The following ATP8A1 variants were observed in gnomAD, a reference collection of about 807,000 sequenced individuals.
ATP8A1 encodes the protein phospholipid-transporting ATPase IA.
ATP8A1 carries 90 observed loss-of-function variants against 177.7 expected under a neutral mutation model. That is an observed-to-expected ratio of 0.51 (90% CI 0.43 to 0.60). The LOEUF (loss-of-function observed/expected upper bound fraction) is 0.60. Among genes scored for constraint, ATP8A1 ranks in the 20% least tolerant of loss-of-function variants. ATP8A1 has a pLI of 0.00. For synonymous variants in ATP8A1, 493 were observed against 485.9 expected, an observed-to-expected ratio of 1.01 and a Z score of -0.19; for missense variants, 1,072 against 1,392.8, an observed-to-expected ratio of 0.77 and a Z score of 3.67.
At chr4:42,609,280 TG>T (rs1316130677) in intron 5 of ATP8A1, among the ~76,000 whole-genome samples, 1 of 152,160 alleles carries the variant, frequency 6.6e-6, no homozygotes, top group Admixed American at 6.5e-5. Flanking sequence ...CCCAGCAATC[TG>T]TGTTTTAACA....
chr4:42,535,771 G>T (rs1017693803), intron 20 of ATP8A1, among the ~76,000 whole-genome samples: 5 of 152,166 alleles, frequency 3.3e-5, no homozygotes, highest in African/African-American at 9.7e-5. Flanking sequence ...TACTATCTTA[G>T]ACCACAGTGG....
At chr4:42,607,440 C>T (rs1377623597) in intron 5 of ATP8A1, among the ~76,000 whole-genome samples, 2 of 152,116 alleles carry the variant, frequency 1.3e-5, no homozygotes, top group African/African-American at 4.8e-5. Context: ...GTCCTTAGAA[C>T]AATGAAAATA....
intron 24 of ATP8A1, among the ~76,000 whole-genome samples, chr4:42,495,762 G>A (rs1476346087): frequency 6.6e-6 from 1 of 152,012 alleles, no homozygotes; most frequent in Non-Finnish European, 1.5e-5. Flanking sequence ...GCAGACAGAA[G>A]GTGAAGTCAT....
intron 6 of ATP8A1, among the ~76,000 whole-genome samples, chr4:42,597,526 C>G (rs17593233): frequency 0.18 from 27,129 of 152,000 alleles, 3,084 homozygotes; most frequent in East Asian, 0.45. Context: ...AAACACTTGT[C>G]GAATGAATAG....
Position 42,431,662 on chromosome 4 carries a change from A to C in ATP8A1, c.3124-7957T>G, listed in dbSNP as rs546085982. On this transcript the variant is annotated intron_variant, in intron 33 of 36. Coordinates refer to ENST00000381668, the MANE Select transcript of ATP8A1 (RefSeq NM_006095.2). ...TATGTATTTCCTAGGATTTTGCCAAATCCAAGAAGTCAATGGTTCTTTCTG... is the reference window on the plus strand; with the variant it reads ...TATGTATTTCCTAGGATTTTGCCAACTCCAAGAAGTCAATGGTTCTTTCTG... Among the ~76,000 whole-genome samples the C allele has an allele frequency of 2.6e-5, 4 of 152,320 alleles. No homozygotes were observed. The South Asian group carries it at 8.3e-4, about 32-fold the overall frequency.
At chr4:42,612,600 T>C (rs111475202) in intron 5 of ATP8A1, among the ~76,000 whole-genome samples, 3,184 of 151,742 alleles carry the variant, frequency 0.021, 54 homozygotes, top group South Asian at 0.06. Flanking sequence ...CACAATTTTA[T>C]ATTCATCAGG....
At chr4:42,614,717 T>C (rs1000307014) in intron 5 of ATP8A1, among the ~76,000 whole-genome samples, 31 of 152,360 alleles carry the variant, frequency 2.0e-4, no homozygotes, top group African/African-American at 7.0e-4. Flanking sequence ...TTTTAAATCA[T>C]GATTTTGTTT....
chr4:42,650,384 G>A (rs1740966120), intron 1 of ATP8A1, among the ~76,000 whole-genome samples: 1 of 152,108 alleles, frequency 6.6e-6, no homozygotes, highest in Non-Finnish European at 1.5e-5. Flanking sequence ...TCATCTCCAT[G>A]TTTCCTTTGG....
chr4:42,429,646 G>A (rs941356483), intron 33 of ATP8A1, among the ~76,000 whole-genome samples: 2 of 151,994 alleles, frequency 1.3e-5, no homozygotes, highest in Non-Finnish European at 2.9e-5. Context: ...TCAATTTACT[G>A]GCAAATCTTA....
At chr4:42,642,603 A>C (rs978047924) in intron 1 of ATP8A1, among the ~76,000 whole-genome samples, 4 of 152,156 alleles carry the variant, frequency 2.6e-5, no homozygotes, top group African/African-American at 9.7e-5. Context: ...ACACCTACAC[A>C]TGTGTGAGAT....
rs199975147 is a variant in ATP8A1, at chr4:42,455,299, T to G, written c.2815A>C (p.Lys939Gln). 1 of 1,613,642 alleles carries G rather than the reference T, an allele frequency of 6.2e-7. No homozygotes were observed. Among genetic ancestry groups the G allele is most frequent in the African/African-American group, 1.3e-5 (1 of 74,998 alleles). The change falls in exon 29 of 37, where the codon AAG (lysine) becomes CAG (glutamine). Residue 939 changes from lysine (K) to glutamine (Q), a missense_variant and splice_region_variant. Around this residue, in one of 5 missense-constraint regions of ATP8A1, gnomAD observed 316 missense variants for 459.1 expected, o/e 0.69. Coordinates refer to ENST00000381668, the MANE Select transcript of ATP8A1 (RefSeq NM_006095.2). ...CCAGCCAGGGCACTGTGTCCTACCTTGGTGTTGAAGTCCAGGGCATTCTGA... is the reference window on the plus strand; with the variant it reads ...CCAGCCAGGGCACTGTGTCCTACCTGGGTGTTGAAGTCCAGGGCATTCTGA... Reference protein sequence around the residue: ...TSQNALDFNTKVFWVHCLNGL... With the variant: ...TSQNALDFNTQVFWVHCLNGL...
chr4:42,447,292 C>T (rs557410649), intron 30 of ATP8A1, among the ~76,000 whole-genome samples: 5 of 152,198 alleles, frequency 3.3e-5, no homozygotes, highest in African/African-American at 7.2e-5. Flanking sequence ...TAGTAATTAT[C>T]GTGCCTCAGC....
At chr4:42,509,004 G>C (rs1560404282) in intron 22 of ATP8A1, among the ~76,000 whole-genome samples, 1 of 152,220 alleles carries the variant, frequency 6.6e-6, no homozygotes, top group Non-Finnish European at 1.5e-5. Flanking sequence ...GTATATGCAT[G>C]CATGTAATTT....
At position 42,423,098 on chromosome 4, in the gene ATP8A1, G is replaced by T. The variant is rs190934392; in HGVS notation, c.3213-199C>A. Among the ~76,000 whole-genome samples, 76 of 151,838 alleles carry T rather than the reference G, an allele frequency of 5.0e-4. No homozygotes were observed. The East Asian group carries it at 0.012, about 25-fold the overall frequency. ...AGTTTTAAAAATAAATGATGGTTTA[G>T]GTTTACAATATTGAAACTCCCATAG... On this transcript the variant is annotated intron_variant, in intron 34 of 36. Coordinates refer to ENST00000381668, the MANE Select transcript of ATP8A1 (RefSeq NM_006095.2).
At chr4:42,448,401 C>CTTTTTTTTTTTTTTTTTTTTTTTTTT (rs1226963744) in intron 30 of ATP8A1, among the ~76,000 whole-genome samples, 4 of 99,564 alleles carry the variant, frequency 4.0e-5, no homozygotes, top group Admixed American at 1.5e-4. Context: ...TCTTTCTTTT[C>CTTTTTTTTTTTTTTTTTTTTTTTTTT]TTTTTTTTTT....
chr4:42,636,335 T>C (rs1010816255), intron 1 of ATP8A1, among the ~76,000 whole-genome samples: 1 of 152,210 alleles, frequency 6.6e-6, no homozygotes, highest in South Asian at 2.1e-4. Flanking sequence ...TGTTCTGCAT[T>C]GTTAGAGCAG....
At chr4:42,604,348 C>T (rs1172816957) in intron 5 of ATP8A1, among the ~76,000 whole-genome samples, 4 of 152,152 alleles carry the variant, frequency 2.6e-5, no homozygotes, top group Non-Finnish European at 5.9e-5. Flanking sequence ...GTCTCTTCCC[C>T]CAGATTATAA....
chr4:42,502,001 A>G (rs562685773), intron 24 of ATP8A1, among the ~76,000 whole-genome samples: 1 of 152,322 alleles, frequency 6.6e-6, no homozygotes, highest in African/African-American at 2.4e-5. Context: ...TTACTTAAAA[A>G]ATATCAGATA....
chr4:42,569,945 T>A (rs748362456), intron 14 of ATP8A1, among the ~76,000 whole-genome samples: 1 of 152,198 alleles, frequency 6.6e-6, no homozygotes, highest in African/African-American at 2.4e-5. Context: ...CAGACCAGAT[T>A]TTTTTATTTT....
Sources: gnomAD v4.1 joint callset for allele counts (sites outside exome capture counted in the v4.1 genomes callset) on GRCh38, gnomAD v4.1.1 for gene constraint, gnomAD v4.1.1 regional missense constraint, MANE v1.5 for transcripts, NCBI Gene and HGNC (gene_info 2026-07-23, HGNC 2026-07-21) for gene names.